WDR64: variants seen among roughly 807,000 people sequenced by gnomAD.
The protein encoded by WDR64 is WD repeat-containing protein 64.
WDR64 carries 112 observed loss-of-function variants against 139.3 expected under a neutral mutation model. The ratio of observed to expected loss-of-function variants is 0.80; its 90% confidence interval spans 0.69 to 0.94. WDR64 has a LOEUF of 0.94. Among genes scored for constraint, WDR64 ranks in the 40% least tolerant of loss-of-function variants. The pLI is 0.00. For synonymous variants in WDR64, 444 were observed against 437.7 expected, an observed-to-expected ratio of 1.01 and a Z score of -0.18; for missense variants, 1,206 against 1,293.1, an observed-to-expected ratio of 0.93 and a Z score of 1.03.
intron 4 of WDR64, among the ~76,000 whole-genome samples, chr1:241,675,258 CCCTCCCTT>C (rs1218272252): frequency 1.0e-5 from 1 of 99,924 alleles, no homozygotes; most frequent in Non-Finnish European, 1.9e-5. Flanking sequence ...CTTCCTTCCT[CCCTCCCTT>C]CCTCCCTTCC....
chr1:241,697,632 G>A (rs1667546226), intron 8 of WDR64, among the ~76,000 whole-genome samples: 1 of 152,152 alleles, frequency 6.6e-6, no homozygotes, highest in Non-Finnish European at 1.5e-5. Context: ...CTGTCGATAT[G>A]AGTAACCCTT....
chr1:241,719,220 G>A (rs1668514370), intron 9 of WDR64, among the ~76,000 whole-genome samples: 1 of 152,112 alleles, frequency 6.6e-6, no homozygotes, highest in South Asian at 2.1e-4. Context: ...GGACTTGATA[G>A]TTAAACCTCT....
At chr1:241,732,695 C>T (rs1211010581) in intron 10 of WDR64, among the ~76,000 whole-genome samples, 1 of 152,020 alleles carries the variant, frequency 6.6e-6, no homozygotes, top group Non-Finnish European at 1.5e-5. Flanking sequence ...TGGCGGGCTC[C>T]TGTAATCCCA....
chr1:241,675,089 CCTT>C (rs1666462346), intron 4 of WDR64, among the ~76,000 whole-genome samples: 1 of 116,022 alleles, frequency 8.6e-6, no homozygotes, highest in African/African-American at 3.6e-5. Context: ...CTCCCTTCAT[CCTT>C]CCTCCCTCCC....
chr1:241,799,863 G>A (rs1659472348), intron 27 of WDR64, among the ~76,000 whole-genome samples: 2 of 151,982 alleles, frequency 1.3e-5, no homozygotes, highest in South Asian at 4.1e-4. Context: ...TCATAGCTCT[G>A]ATCACTACAT....
At position 241,738,342 on chromosome 1, in the gene WDR64, CTG is replaced by C. The variant is rs757987287; in HGVS notation, c.1195-17_1195-16del. On this transcript the variant is annotated intron_variant, in intron 10 of 27. Coordinates refer to ENST00000437684, the MANE Select transcript of WDR64 (RefSeq NM_001367482.1). ...AAAGGTGAGTATAAATAGTGGTAAA[CTG>C]TGTTTGTTATTCTTCCAGGTTTTCC... 1.2e-6 allele frequency: 2 copies of C among 1,609,032 alleles called. No individual in the cohort carries two copies. Among genetic ancestry groups the C allele is most frequent in the Non-Finnish European group, 1.7e-6 (2 of 1,178,304 alleles).
intron 15 of WDR64, among the ~76,000 whole-genome samples, chr1:241,760,851 C>T (rs10926566): frequency 0.15 from 22,383 of 148,624 alleles, 1,881 homozygotes; most frequent in African/African-American, 0.19. Flanking sequence ...CTGCAAGCTC[C>T]GCCTCTTGGG....
chr1:241,690,832 T>C (rs1667192140), intron 8 of WDR64, among the ~76,000 whole-genome samples: 1 of 152,078 alleles, frequency 6.6e-6, no homozygotes, highest in South Asian at 2.1e-4. Flanking sequence ...AAAGTAAAGG[T>C]AAAATAAAAA....
chr1:241,654,067 A>G (rs2148046570), intron 1 of WDR64, among the ~76,000 whole-genome samples: 1 of 152,286 alleles, frequency 6.6e-6, no homozygotes. Context: ...TTTCTACGTC[A>G]TAAAAGAAAG....
chr1:241,712,450 C>T (rs940567356), intron 9 of WDR64, among the ~76,000 whole-genome samples: 5 of 152,020 alleles, frequency 3.3e-5, no homozygotes, highest in Non-Finnish European at 7.4e-5. Flanking sequence ...TAAGTTTTGT[C>T]GGGGGAAGGT....
intron 25 of WDR64, among the ~76,000 whole-genome samples, chr1:241,794,724 G>T (rs1404417339): frequency 1.3e-5 from 2 of 151,946 alleles, no homozygotes; most frequent in African/African-American, 2.4e-5. Context: ...GGCCAGGATG[G>T]TCTCAATCTT....
chr1:241,743,602 T>C (rs1439644679), intron 12 of WDR64, among the ~76,000 whole-genome samples: 1 of 152,148 alleles, frequency 6.6e-6, no homozygotes, highest in African/African-American at 2.4e-5. Context: ...TCCGCCACAA[T>C]ACCTAGAGTG....
intron 25 of WDR64, among the ~76,000 whole-genome samples, chr1:241,793,392 T>C (rs1659262589): frequency 6.6e-6 from 1 of 152,104 alleles, no homozygotes; most frequent in Non-Finnish European, 1.5e-5. Flanking sequence ...GTCCACTGAA[T>C]GTTCAGTATG....
chr1:241,712,883 T>C (rs992517883), intron 9 of WDR64, among the ~76,000 whole-genome samples: 13 of 151,640 alleles, frequency 8.6e-5, no homozygotes, highest in African/African-American at 3.2e-4. Context: ...GAGCCATGTT[T>C]GTGCTACTGC....
Position 241,687,545 on chromosome 1 carries a change from C to T in WDR64, c.924C>T (p.Asp308=). The T allele has an allele frequency of 6.2e-7, 1 of 1,613,572 alleles. No homozygotes were observed. Among genetic ancestry groups the T allele is most frequent in the South Asian group, 1.1e-5 (1 of 91,064 alleles). The change falls in exon 8 of 28, where the codon GAC becomes GAT. Residue 308 remains aspartate (D), a synonymous_variant. Coordinates refer to ENST00000437684, the MANE Select transcript of WDR64 (RefSeq NM_001367482.1). ...ATTGTTTTGGATCCTGCTCCTTAGACAGTAATCATTCATTAGTTTTGGAAT... is the reference window on the plus strand; with the variant it reads ...ATTGTTTTGGATCCTGCTCCTTAGATAGTAATCATTCATTAGTTTTGGAAT... The part of the protein sequence containing the change: ...ALNCFGSCSL[D]SNHSLVLESL...
At chr1:241,691,064 A>G (rs1458378852) in intron 8 of WDR64, among the ~76,000 whole-genome samples, 2 of 152,168 alleles carry the variant, frequency 1.3e-5, no homozygotes, top group African/African-American at 2.4e-5. Context: ...CTGCCTGTGT[A>G]GTACAGTGTT....
chr1:241,791,760 G>A (rs986211484), intron 25 of WDR64, among the ~76,000 whole-genome samples: 2 of 152,110 alleles, frequency 1.3e-5, no homozygotes, highest in African/African-American at 2.4e-5. Context: ...CTTGTCTCAA[G>A]GTTCTTAACA....
At chr1:241,776,241 GC>G (rs1488251457) in intron 21 of WDR64, among the ~76,000 whole-genome samples, 1 of 151,888 alleles carries the variant, frequency 6.6e-6, no homozygotes, top group Non-Finnish European at 1.5e-5. Flanking sequence ...ACCACGCCCA[GC>G]TAATTTTTGT....
At chr1:241,718,734 A>G (rs781761968) in intron 9 of WDR64, among the ~76,000 whole-genome samples, 1 of 152,184 alleles carries the variant, frequency 6.6e-6, no homozygotes, top group Non-Finnish European at 1.5e-5. Flanking sequence ...GGAGGCTAGA[A>G]GTGCAGGATC....
Sources: gnomAD v4.1 joint callset for allele counts (sites outside exome capture counted in the v4.1 genomes callset) on GRCh38, gnomAD v4.1.1 for gene constraint, MANE v1.5 for transcripts, NCBI Gene and HGNC (gene_info 2026-07-23, HGNC 2026-07-21) for gene names.